ARL15: variants seen among roughly 807,000 people sequenced by gnomAD.
ARL15 encodes ARF like GTPase 15.
Under a neutral mutation model 25.2 loss-of-function variants are expected in ARL15, and 19 were observed. The ratio of observed to expected loss-of-function variants is 0.75; its 90% CI spans 0.53 to 1.10. The LOEUF is 1.10. Among genes scored for constraint, ARL15 ranks in the 50% least tolerant of loss-of-function variants. ARL15 has a pLI of 0.00. For synonymous variants in ARL15, 94 were observed against 86.8 expected, an observed-to-expected ratio of 1.08 and a Z score of -0.46; for missense variants, 220 against 246.0, an observed-to-expected ratio of 0.89 and a Z score of 0.71.
chr5:54,055,321 G>A (rs1176579208), intron 4 of ARL15, among the ~76,000 whole-genome samples: 1 of 122,162 alleles, frequency 8.2e-6, no homozygotes, highest in East Asian at 2.5e-4. Context: ...GTTCATCCAT[G>A]TTGTAACATG....
chr5:53,917,359 C>T (rs1408128005), intron 4 of ARL15, among the ~76,000 whole-genome samples: 1 of 152,176 alleles, frequency 6.6e-6, no homozygotes, highest in Non-Finnish European at 1.5e-5. Context: ...CCTGGATGGG[C>T]CCCTAGTGGA....
chr5:53,896,887 A>G (rs1288387036), intron 4 of ARL15, among the ~76,000 whole-genome samples: 1 of 152,140 alleles, frequency 6.6e-6, no homozygotes, highest in African/African-American at 2.4e-5. Flanking sequence ...ACTCTTAGAA[A>G]ACGTCGGTCT....
intron 1 of ARL15, among the ~76,000 whole-genome samples, chr5:54,269,068 T>C (rs1757706678): frequency 6.6e-6 from 1 of 151,448 alleles, no homozygotes; most frequent in Non-Finnish European, 1.5e-5. Flanking sequence ...CTGGGAACTG[T>C]TGTGGGGTAG....
rs543998015 is a variant in ARL15, at chr5:54,043,340, T to C, written c.462+69862A>G. Among the ~76,000 whole-genome samples the C allele has an allele frequency of 8.5e-4, 130 of 152,300 alleles. 1 individual carries two copies. The highest frequency in any genetic ancestry group is 2.8e-3 in the African/African-American group (117 of 41,566). ...TCCACACTTTGCACAGTGTTTTGGA[T>C]GTAGCAGGCTCTCAATAAGGCTCTG... On this transcript the variant is annotated intron_variant, in intron 4 of 4. Coordinates refer to ENST00000504924, the MANE Select transcript of ARL15 (RefSeq NM_019087.3).
chr5:54,027,642 C>T (rs976923372), intron 4 of ARL15, among the ~76,000 whole-genome samples: 1 of 152,092 alleles, frequency 6.6e-6, no homozygotes, highest in Non-Finnish European at 1.5e-5. Context: ...TTCATTTTTA[C>T]TTTTGCCATT....
intron 3 of ARL15, among the ~76,000 whole-genome samples, chr5:54,145,272 T>C (rs1753872022): frequency 6.6e-6 from 1 of 152,212 alleles, no homozygotes; most frequent in African/African-American, 2.4e-5. Flanking sequence ...CTCACAATGA[T>C]GCCATAAATA....
At chr5:54,123,036 G>A (rs1047014854) in intron 3 of ARL15, among the ~76,000 whole-genome samples, 19 of 151,890 alleles carry the variant, frequency 1.3e-4, no homozygotes, top group East Asian at 3.9e-4. Flanking sequence ...TTTACCCATC[G>A]ATTCGAGGAC....
chr5:53,908,000 A>G (rs537131768), intron 4 of ARL15, among the ~76,000 whole-genome samples: 53 of 152,300 alleles, frequency 3.5e-4, no homozygotes, highest in Non-Finnish European at 4.0e-4. Context: ...ATCCTCAAGC[A>G]TCATCACAGG....
intron 1 of ARL15, among the ~76,000 whole-genome samples, chr5:54,208,814 G>T (rs1222623445): frequency 6.6e-6 from 1 of 152,184 alleles, no homozygotes; most frequent in African/African-American, 2.4e-5. Flanking sequence ...GCCCCCCAGT[G>T]ACGACAGCCA....
At chr5:54,011,523 T>C (rs1259363518) in intron 4 of ARL15, among the ~76,000 whole-genome samples, 26 of 152,082 alleles carry the variant, frequency 1.7e-4, no homozygotes, top group Admixed American at 1.7e-3. Context: ...AACTTGATAG[T>C]GATTATATAG....
intron 4 of ARL15, among the ~76,000 whole-genome samples, chr5:53,974,545 A>C (rs146737014): frequency 0.012 from 1,845 of 152,328 alleles, 36 homozygotes; most frequent in African/African-American, 0.042. Flanking sequence ...AGATATTGGA[A>C]ATAATGGCAG....
intron 4 of ARL15, among the ~76,000 whole-genome samples, chr5:53,913,760 T>A (rs757136233): frequency 2.6e-5 from 4 of 152,178 alleles, no homozygotes; most frequent in Non-Finnish European, 4.4e-5. Context: ...AAGACCCAAT[T>A]CAAATGCTAC....
At chr5:53,890,657 A>G (rs1744680653) in intron 4 of ARL15, among the ~76,000 whole-genome samples, 1 of 152,150 alleles carries the variant, frequency 6.6e-6, no homozygotes, top group Non-Finnish European at 1.5e-5. Flanking sequence ...CACCCTAGAG[A>G]TAGGAAAACA....
At chr5:54,201,933 G>A (rs988079511) in intron 1 of ARL15, among the ~76,000 whole-genome samples, 4 of 152,126 alleles carry the variant, frequency 2.6e-5, no homozygotes, top group African/African-American at 9.7e-5. Flanking sequence ...AAGAGAGCAA[G>A]CTATGTAACT....
chr5:53,903,432 T>A (rs183118929), intron 4 of ARL15, among the ~76,000 whole-genome samples: 2 of 152,234 alleles, frequency 1.3e-5, no homozygotes, highest in Non-Finnish European at 2.9e-5. Context: ...CAGCATCTAG[T>A]GGGTAGAGGC....
chr5:54,227,633 T>C (rs1272182859), intron 1 of ARL15, among the ~76,000 whole-genome samples: 2 of 152,228 alleles, frequency 1.3e-5, no homozygotes. Flanking sequence ...TGAATACTTC[T>C]GGGTCATTCT....
chr5:54,249,307 T>G (rs2289854), intron 1 of ARL15, among the ~76,000 whole-genome samples: 101,363 of 151,544 alleles, frequency 0.67, 34,849 homozygotes, highest in Non-Finnish European at 0.75. Flanking sequence ...TAGAACTTTC[T>G]ATGTACATCT....
At chr5:54,007,298 G>A (rs1393870065) in intron 4 of ARL15, among the ~76,000 whole-genome samples, 4 of 152,104 alleles carry the variant, frequency 2.6e-5, no homozygotes, top group Admixed American at 1.3e-4. Flanking sequence ...TACTCTTTGC[G>A]TTTTCAAGAT....
intron 4 of ARL15, among the ~76,000 whole-genome samples, chr5:53,931,766 C>T (rs1222042992): frequency 6.6e-6 from 1 of 152,198 alleles, no homozygotes; most frequent in Non-Finnish European, 1.5e-5. Flanking sequence ...TCAGACATTT[C>T]ATTTCTTCTT....
Sources: gnomAD v4.1 joint callset for allele counts (sites outside exome capture counted in the v4.1 genomes callset) on GRCh38, gnomAD v4.1.1 for gene constraint, MANE v1.5 for transcripts, NCBI Gene and HGNC (gene_info 2026-07-23, HGNC 2026-07-21) for gene names.